Variants in GRIK2 observed in about 807,000 individuals in gnomAD.
The protein encoded by GRIK2 is glutamate receptor ionotropic, kainate 2.
Under a neutral mutation model 100.3 loss-of-function variants are expected in GRIK2, and 32 were observed. The observed-to-expected ratio is 0.32, with a 90% CI of 0.24 to 0.43. The LOEUF is 0.43. Ranked by LOEUF, GRIK2 falls within the 20% of genes least tolerant of loss-of-function variation. GRIK2 has a pLI of 1.00. For synonymous variants in GRIK2, 417 were observed against 389.4 expected (o/e 1.07, Z -0.83); for missense variants, 843 against 1,114.9 (o/e 0.76, Z 3.47).
intron 14 of GRIK2, among the ~76,000 whole-genome samples, chr6:101,980,080 G>C (rs759241869): frequency 6.6e-6 from 1 of 152,022 alleles, no homozygotes; most frequent in Admixed American, 6.6e-5. Flanking sequence ...GCTGGTGAGC[G>C]GGTGAGGAAA....
At chr6:102,020,044 C>T (rs1406524617) in intron 14 of GRIK2, among the ~76,000 whole-genome samples, 1 of 151,866 alleles carries the variant, frequency 6.6e-6, no homozygotes, top group Non-Finnish European at 1.5e-5. Context: ...AAAAAGTCCT[C>T]TTTAGGTTAA....
chr6:102,045,702 A>C (rs964565464), intron 15 of GRIK2, among the ~76,000 whole-genome samples: 1 of 152,130 alleles, frequency 6.6e-6, no homozygotes, highest in African/African-American at 2.4e-5. Context: ...AATGGTCCAA[A>C]GATCTTAACA....
At chr6:101,577,197 T>G (rs1479912748) in intron 2 of GRIK2, among the ~76,000 whole-genome samples, 1 of 151,984 alleles carries the variant, frequency 6.6e-6, no homozygotes, top group Non-Finnish European at 1.5e-5. Flanking sequence ...TAAATGTAAC[T>G]TTGCATCTGA....
chr6:101,926,101 C>T (rs1254146016), intron 13 of GRIK2, among the ~76,000 whole-genome samples: 1 of 150,960 alleles, frequency 6.6e-6, no homozygotes, highest in East Asian at 1.9e-4. Context: ...ATGAGCTAAC[C>T]TAAGTTTGTG....
intron 14 of GRIK2, among the ~76,000 whole-genome samples, chr6:101,978,313 TA>T (rs1313820929): frequency 6.6e-6 from 1 of 152,038 alleles, no homozygotes; most frequent in Non-Finnish European, 1.5e-5. Context: ...TATGTAATTA[TA>T]AAGAGTTTTA....
At chr6:101,398,747 A>G (rs570659418) in intron 1 of GRIK2, 63 of 348,660 alleles carry the variant, frequency 1.8e-4, no homozygotes, top group Non-Finnish European at 2.0e-4. Context: ...GATCGGTTGC[A>G]TAATAGATAT....
Position 101,599,512 on chromosome 6 carries a change from G to A in GRIK2, c.116-22437G>A, listed in dbSNP as rs888028434. 2.0e-5 allele frequency among the ~76,000 whole-genome samples: 3 copies of A among 151,738 alleles called. 1 individual carries two copies. On this transcript the variant is annotated intron_variant, in intron 2 of 16. Transcript: ENST00000369134. ...CTTTGAACTGTTTTCCACAATGCCT[G>A]AACTAATTTATGTTCCCACCAACAA...
At chr6:101,537,438 G>T (rs201976082) in intron 2 of GRIK2, among the ~76,000 whole-genome samples, 1 of 95,108 alleles carries the variant, frequency 1.1e-5, no homozygotes, top group Non-Finnish European at 2.4e-5. Flanking sequence ...TTGTGTGTGT[G>T]TGTTTGTGTG....
intron 2 of GRIK2, among the ~76,000 whole-genome samples, chr6:101,571,217 TAAAAACA>T (rs1777509670): frequency 6.6e-6 from 1 of 152,152 alleles, no homozygotes; most frequent in Non-Finnish European, 1.5e-5. Context: ...ATATGTTTGT[TAAAAACA>T]GTTGGTTTAC....
At chr6:102,032,370 A>G (rs1168057537) in intron 14 of GRIK2, among the ~76,000 whole-genome samples, 3 of 151,352 alleles carry the variant, frequency 2.0e-5, no homozygotes, top group East Asian at 2.0e-4. Context: ...TAAATTATCT[A>G]CGAGAGGGGA....
intron 7 of GRIK2, among the ~76,000 whole-genome samples, chr6:101,729,561 T>C (rs1775113289): frequency 6.6e-6 from 1 of 151,926 alleles, no homozygotes; most frequent in Non-Finnish European, 1.5e-5. Flanking sequence ...TTTCTAGATA[T>C]GTTATATTTT....
Position 101,809,297 on chromosome 6 carries a change from A to G in GRIK2, c.1203+6859A>G, listed in dbSNP as rs186863650. 5.3e-5 allele frequency among the ~76,000 whole-genome samples: 8 copies of G among 152,184 alleles called. No individual in the cohort carries two copies. In the East Asian group the frequency reaches 1.5e-3, roughly 29 times the overall value. On this transcript the variant is annotated intron_variant, in intron 9 of 16. Transcript: ENST00000369134. Reference sequence around the variant, plus strand: ...GGCTTATGTGTTCTAGAATTAGAACATGTTTCAAAGTGCTTTTTGAATATT... The same window carrying G: ...GGCTTATGTGTTCTAGAATTAGAACGTGTTTCAAAGTGCTTTTTGAATATT...
At position 101,859,490 on chromosome 6, in the gene GRIK2, T is replaced by C. The variant is rs1460763299; in HGVS notation, c.1521T>C (p.Asp507=). Reference sequence around the variant, plus strand: ...ATGGAATGGTTCGTGAACTAATTGATCATGTAAGTCCCTTCCCTCATGATT... The same window carrying C: ...ATGGAATGGTTCGTGAACTAATTGACCATGTAAGTCCCTTCCCTCATGATT... ...QWNGMVRELI[D]HKADLAVAPL... is the part of the protein sequence containing the mutation. The change falls in exon 11 of 17, where the codon GAT becomes GAC. Residue 507 remains aspartate (D), a synonymous_variant. Transcript: ENST00000369134. 7 of 1,552,776 alleles carry C rather than the reference T, an allele frequency of 4.5e-6. No homozygotes were observed. In the South Asian group the frequency reaches 6.7e-5, roughly 15 times the overall value.
At chr6:101,571,060 G>C (rs1322970005) in intron 2 of GRIK2, among the ~76,000 whole-genome samples, 3 of 554 alleles carry the variant, frequency 5.4e-3, no homozygotes, top group Non-Finnish European at 7.9e-3. Flanking sequence ...GCTATGTGCA[G>C]TATTTTGTGT....
rs1053280814 is a variant in GRIK2 at position 101,912,186 on chromosome 6, A to AT, written c.1749-12409dup. On this transcript the variant is annotated intron_variant, in intron 12 of 16. Coordinates refer to ENST00000369134, the MANE Select transcript of GRIK2 (RefSeq NM_021956.5). The stretch of plus-strand genomic sequence containing the variant: ...TTGTATCAAGACAACTATCAATTAT[A>AT]TTTTTTATTGGGTATACGGCTAACT... 8.6e-4 allele frequency among the ~76,000 whole-genome samples: 130 copies of AT among 150,990 alleles called. 1 individual carries two copies. The highest frequency in any genetic ancestry group is 2.3e-3 in the African/African-American group (94 of 41,252).
At chr6:101,996,449 A>T (rs1371014261) in intron 14 of GRIK2, among the ~76,000 whole-genome samples, 1 of 152,056 alleles carries the variant, frequency 6.6e-6, no homozygotes, top group Non-Finnish European at 1.5e-5. Context: ...AATTACTTTT[A>T]CAGATAACCA....
chr6:101,677,685 G>A (rs1239536245), intron 5 of GRIK2, among the ~76,000 whole-genome samples: 1 of 152,074 alleles, frequency 6.6e-6, no homozygotes, highest in East Asian at 1.9e-4. Flanking sequence ...TGCACACTGA[G>A]CTGACACCTT....
chr6:101,665,534 CA>C (rs1235649915), intron 4 of GRIK2, among the ~76,000 whole-genome samples: 8 of 152,184 alleles, frequency 5.3e-5, no homozygotes. Flanking sequence ...AATACTGCAT[CA>C]AAACATCCTT....
chr6:101,410,061 A>G (rs1042597673), intron 2 of GRIK2, among the ~76,000 whole-genome samples: 1 of 152,076 alleles, frequency 6.6e-6, no homozygotes, highest in African/African-American at 2.4e-5. Context: ...CTTAAACATC[A>G]TGACTTTAAT....
Sources: allele counts gnomAD v4.1 joint callset (sites outside exome capture counted in the v4.1 genomes callset), GRCh38; gene constraint gnomAD v4.1.1; transcripts MANE v1.5; gene names NCBI Gene and HGNC (gene_info 2026-07-23, HGNC 2026-07-21).